Variants in LYPD6 observed in about 807,000 individuals in gnomAD.
LYPD6 encodes LY6/PLAUR domain containing 6.
LYPD6 carries 15 observed loss-of-function variants against 22.7 expected under a neutral mutation model. That is an observed-to-expected ratio of 0.66 (90% CI 0.44 to 1.02). The LOEUF (loss-of-function observed/expected upper bound fraction) is 1.02, where lower values mean the gene tolerates loss of function less well. LYPD6 is among the 50% of genes least tolerant of loss of function. LYPD6 has a pLI of 0.00. For synonymous variants in LYPD6, 72 were observed against 77.5 expected, an observed-to-expected ratio of 0.93 and a Z score of 0.37; for missense variants, 189 against 208.4, an observed-to-expected ratio of 0.91 and a Z score of 0.57.
chr2:149,470,124 A>T (rs1271380102), intron 4 of LYPD6, among the ~76,000 whole-genome samples: 1 of 152,170 alleles, frequency 6.6e-6, no homozygotes, highest in Admixed American at 6.5e-5. Context: ...ATTTCTTTCT[A>T]ATGATCCACG....
At chr2:149,470,303 G>A (rs1681302487) in intron 4 of LYPD6, among the ~76,000 whole-genome samples, 1 of 152,128 alleles carries the variant, frequency 6.6e-6, no homozygotes, top group Admixed American at 6.5e-5. Flanking sequence ...CTTGGCAAAC[G>A]AAGGCTTACC....
At chr2:149,479,606 CT>C in the LYPD6 span, among the ~76,000 whole-genome samples, 1 of 152,044 alleles carries the variant, frequency 6.6e-6, no homozygotes, top group Non-Finnish European at 1.5e-5. Context: ...TGGGTTTCTC[CT>C]TCACACTTCC....
At chr2:149,448,925 A>T (rs1683747095) in intron 2 of LYPD6, 124 bp from the exon 3 acceptor site, 1 of 690,626 alleles carries the variant, frequency 1.4e-6, no homozygotes, top group Non-Finnish European at 2.4e-6. Context: ...ATGGTAGTTG[A>T]AGGTTTAAGA....
intron 1 of LYPD6, among the ~76,000 whole-genome samples, chr2:149,390,686 A>G (rs957877284): frequency 2.0e-5 from 3 of 152,124 alleles, no homozygotes; most frequent in Non-Finnish European, 2.9e-5. Context: ...AGCCAATTCT[A>G]TCTTAGTATT....
the LYPD6 span, among the ~76,000 whole-genome samples, chr2:149,482,394 T>C: frequency 6.6e-6 from 1 of 152,192 alleles, no homozygotes; most frequent in South Asian, 2.1e-4. Context: ...AACAGCTTAT[T>C]ATCCATATTC....
chr2:149,461,644 A>G (rs1445433458), intron 3 of LYPD6, among the ~76,000 whole-genome samples: 1 of 152,024 alleles, frequency 6.6e-6, no homozygotes, highest in Non-Finnish European at 1.5e-5. Context: ...TATAGACACT[A>G]AAGTTCTTAA....
At chr2:149,377,455 G>GT (rs1681949787) in intron 1 of LYPD6, among the ~76,000 whole-genome samples, 2 of 152,272 alleles carry the variant, frequency 1.3e-5, no homozygotes, top group African/African-American at 4.8e-5. Flanking sequence ...AGGAACAGTG[G>GT]CTCTCACAGG....
intron 1 of LYPD6, among the ~76,000 whole-genome samples, chr2:149,436,068 C>G (rs1683424463): frequency 6.6e-6 from 1 of 152,100 alleles, no homozygotes; most frequent in African/African-American, 2.4e-5. Flanking sequence ...TTAGAGTGTT[C>G]TACTTTGTAA....
At chr2:149,398,901 A>G (rs1193800896) in intron 1 of LYPD6, among the ~76,000 whole-genome samples, 1 of 152,240 alleles carries the variant, frequency 6.6e-6, no homozygotes, top group Non-Finnish European at 1.5e-5. Context: ...GTAGTTTAAA[A>G]ATGAGACATT....
intron 1 of LYPD6, among the ~76,000 whole-genome samples, chr2:149,404,803 T>A (rs942564839): frequency 1.3e-5 from 2 of 152,220 alleles, no homozygotes; most frequent in African/African-American, 4.8e-5. Flanking sequence ...GGCATCCCTG[T>A]CTTGTGCCAG....
At chr2:149,336,511 G>A (rs6735761) in intron 1 of LYPD6, among the ~76,000 whole-genome samples, 115,599 of 152,096 alleles carry the variant, frequency 0.76, 44,551 homozygotes, top group Middle Eastern at 0.84. Flanking sequence ...GTTAAAGTCA[G>A]TGTTAGAAAA....
intron 1 of LYPD6, among the ~76,000 whole-genome samples, chr2:149,418,724 C>T (rs1683017679): frequency 6.6e-6 from 1 of 152,212 alleles, no homozygotes; most frequent in Non-Finnish European, 1.5e-5. Flanking sequence ...CCCAGAGCCC[C>T]AGGTTTCAAT....
At chr2:149,423,633 A>G (rs1461609499) in intron 1 of LYPD6, among the ~76,000 whole-genome samples, 3 of 152,052 alleles carry the variant, frequency 2.0e-5, no homozygotes, top group African/African-American at 4.8e-5. Flanking sequence ...GCGGATAGAT[A>G]CCTGAAATAC....
chr2:149,412,260 A>T (rs1682867887), intron 1 of LYPD6, among the ~76,000 whole-genome samples: 1 of 152,120 alleles, frequency 6.6e-6, no homozygotes, highest in Admixed American at 6.5e-5. Context: ...CTTTTTACCA[A>T]TTTTATGGGT....
At chr2:149,442,258 C>T (rs1683584744) in intron 2 of LYPD6, among the ~76,000 whole-genome samples, 1 of 152,156 alleles carries the variant, frequency 6.6e-6, no homozygotes, top group Admixed American at 6.5e-5. Context: ...AGTCTGTTCT[C>T]ACCACGGTTC....
chr2:149,330,367 T>A (rs1009763591), upstream of LYPD6: 3 of 150,840 alleles, frequency 2.0e-5, no homozygotes, highest in African/African-American at 7.3e-5. Flanking sequence ...GGCCGGAGTT[T>A]GCAGACTTGG....
At chr2:149,338,750 A>C (rs1347134056) in intron 1 of LYPD6, among the ~76,000 whole-genome samples, 1 of 152,206 alleles carries the variant, frequency 6.6e-6, no homozygotes, top group East Asian at 1.9e-4. Flanking sequence ...ACTAAGACAA[A>C]TATTAACACC....
intron 3 of LYPD6, among the ~76,000 whole-genome samples, chr2:149,455,257 G>GTTT (rs554548181): frequency 2.3e-5 from 3 of 128,008 alleles, no homozygotes; most frequent in Non-Finnish European, 3.3e-5. Context: ...TTTCTAGCAA[G>GTTT]TTTTTTTTTT....
At chr2:149,330,148 G>C (rs1452768142), upstream of LYPD6, 1 of 152,112 alleles carries the variant, frequency 6.6e-6, no homozygotes, top group Non-Finnish European at 1.5e-5. Context: ...CGCAGCTGCT[G>C]GCCCGGCTGA....
Sources: allele counts gnomAD v4.1 joint callset (sites outside exome capture counted in the v4.1 genomes callset), GRCh38; gene constraint gnomAD v4.1.1; transcripts MANE v1.5; gene names NCBI Gene and HGNC (gene_info 2026-07-23, HGNC 2026-07-21).